SCML4: variants seen among roughly 807,000 people sequenced by gnomAD.
SCML4 encodes Scm polycomb group protein like 4.
Under a neutral mutation model 41.1 loss-of-function variants are expected in SCML4, and 34 were observed. The ratio of observed to expected loss-of-function variants is 0.83; its 90% CI spans 0.63 to 1.10. The LOEUF (loss-of-function observed/expected upper bound fraction) is 1.10. Ranked by LOEUF, SCML4 falls within the 50% of genes least tolerant of loss-of-function variation. SCML4 has a pLI of 0.00. For synonymous variants in SCML4, 214 were observed against 220.9 expected (o/e 0.97, Z 0.28); for missense variants, 522 against 534.1 (o/e 0.98, Z 0.22).
chr6:107,722,594 C>T (rs1250572764), intron 5 of SCML4, among the ~76,000 whole-genome samples: 1 of 152,160 alleles, frequency 6.6e-6, no homozygotes, highest in African/African-American at 2.4e-5. Context: ...AATGGATCCT[C>T]CATGATTGGC....
intron 6 of SCML4, among the ~76,000 whole-genome samples, chr6:107,713,562 T>A (rs1728129): frequency 0.75 from 114,306 of 152,192 alleles, 43,126 homozygotes; most frequent in Admixed American, 0.81. Flanking sequence ...CTCATTGTCT[T>A]CATCTATAAA....
chr6:107,752,752 A>C (rs972067847), intron 2 of SCML4, among the ~76,000 whole-genome samples: 1 of 152,236 alleles, frequency 6.6e-6, no homozygotes, highest in Admixed American at 6.5e-5. Context: ...TGGGATAAGA[A>C]TAAATCTTTG....
At chr6:107,784,623 CT>C (rs1000751125) in intron 1 of SCML4, among the ~76,000 whole-genome samples, 1 of 152,100 alleles carries the variant, frequency 6.6e-6, no homozygotes, top group Non-Finnish European at 1.5e-5. Context: ...TCTGCATACT[CT>C]TTTTTACCAT....
At chr6:107,784,747 C>G (rs986838026) in intron 1 of SCML4, among the ~76,000 whole-genome samples, 1 of 152,182 alleles carries the variant, frequency 6.6e-6, no homozygotes. Flanking sequence ...TGCCCTAGTG[C>G]GTGGGAGGTG....
At chr6:107,843,380 C>T in the SCML4 span, among the ~76,000 whole-genome samples, 1 of 152,208 alleles carries the variant, frequency 6.6e-6, no homozygotes, top group Non-Finnish European at 1.5e-5. Flanking sequence ...TTCCACTGCC[C>T]CTTTAAAGGT....
upstream of SCML4, among the ~76,000 whole-genome samples, chr6:107,827,671 AT>A (rs1215757199): frequency 2.0e-5 from 3 of 152,034 alleles, no homozygotes; most frequent in Non-Finnish European, 4.4e-5. Flanking sequence ...CACGTTGTTA[AT>A]TTTCTTTGCA....
At chr6:107,841,901 A>G in the SCML4 span, among the ~76,000 whole-genome samples, 4 of 152,100 alleles carry the variant, frequency 2.6e-5, no homozygotes, top group African/African-American at 9.7e-5. Context: ...AAGTGGTAGG[A>G]AGGTTTTTCT....
rs532630669 is a variant in SCML4 at position 107,765,244 on chromosome 6, G to T, written c.156+6928C>A. Among the ~76,000 whole-genome samples the T allele has an allele frequency of 3.1e-4, 47 of 152,260 alleles. No individual in the cohort carries two copies. In the South Asian group the frequency reaches 9.3e-3, roughly 30 times the overall value. ...AAGTTCTGTGCATCAGTGGCAATGGGATCAAAACTGTCAGCCCAGCTGATG... is the reference window on the plus strand; with the variant it reads ...AAGTTCTGTGCATCAGTGGCAATGGTATCAAAACTGTCAGCCCAGCTGATG... On this transcript the variant is annotated intron_variant, in intron 2 of 7. Transcript: ENST00000369020.
chr6:107,809,086 T>C (rs770468017), intron 1 of SCML4, among the ~76,000 whole-genome samples: 3 of 151,278 alleles, frequency 2.0e-5, no homozygotes, highest in Non-Finnish European at 3.0e-5. Context: ...CTTAGTGTCC[T>C]TATCAAAGGG....
intron 2 of SCML4, among the ~76,000 whole-genome samples, chr6:107,759,296 C>T (rs931874567): frequency 4.6e-5 from 7 of 151,778 alleles, no homozygotes; most frequent in African/African-American, 1.7e-4. Flanking sequence ...CGCCACTGCA[C>T]TCCAATCTGG....
the SCML4 span, among the ~76,000 whole-genome samples, chr6:107,835,379 A>G: frequency 2.6e-5 from 4 of 152,144 alleles, no homozygotes; most frequent in African/African-American, 9.7e-5. Context: ...ATAAATAAAT[A>G]ATTTAAAAAT....
At chr6:107,746,501 G>A (rs925670467) in intron 4 of SCML4, 188 bp downstream of exon 4, 6 of 505,138 alleles carry the variant, frequency 1.2e-5, no homozygotes, top group African/African-American at 5.9e-5. Flanking sequence ...CTTCTTACCC[G>A]GGCATGGAAT....
At chr6:107,831,065 A>G in the SCML4 span, among the ~76,000 whole-genome samples, 1 of 152,196 alleles carries the variant, frequency 6.6e-6, no homozygotes, top group Admixed American at 6.5e-5. Context: ...GACTTCAAAT[A>G]AAGTAATGAA....
rs954303946 is a variant in SCML4 at position 107,705,216 on chromosome 6, T to C, written c.1229A>G (p.Lys410Arg). ...TTAAAAAAGTCAGAACTTGGCTTGC[T>C]TCAGTTTGTCAATGTGGTAGCAGAG... ...LKLCYHIDKL[K>R]QAKF Residue 410 changes from lysine to arginine, a missense_variant, in exon 8 of 8, where the codon AAG becomes AGG. Coordinates refer to ENST00000369020, the MANE Select transcript of SCML4 (RefSeq NM_198081.5). 6 of 1,551,624 alleles carry C rather than the reference T, an allele frequency of 3.9e-6. No homozygotes were observed. Among genetic ancestry groups the C allele is most frequent in the Non-Finnish European group, 5.2e-6 (6 of 1,146,962 alleles).
intron 5 of SCML4, among the ~76,000 whole-genome samples, chr6:107,727,449 G>A (rs1259020780): frequency 6.6e-6 from 1 of 152,206 alleles, no homozygotes; most frequent in African/African-American, 2.4e-5. Context: ...GTTTGCAGAA[G>A]TTCAGTGCTT....
chr6:107,841,466 C>T, the SCML4 span, among the ~76,000 whole-genome samples: 6 of 152,194 alleles, frequency 3.9e-5, no homozygotes, highest in Non-Finnish European at 7.3e-5. Flanking sequence ...TTCCGTCATG[C>T]ACTGCCTGCT....
chr6:107,770,667 A>T (rs1780443054), intron 2 of SCML4, among the ~76,000 whole-genome samples: 1 of 152,200 alleles, frequency 6.6e-6, no homozygotes, highest in Admixed American at 6.5e-5. Flanking sequence ...GAGTGTCATG[A>T]GTGCTGAAAA....
At chr6:107,802,728 C>T (rs1301900983) in intron 1 of SCML4, among the ~76,000 whole-genome samples, 2 of 141,922 alleles carry the variant, frequency 1.4e-5, no homozygotes, top group African/African-American at 2.9e-5. Context: ...CTCCCTCTCC[C>T]CCTCCCTCTC....
At chr6:107,723,376 T>C (rs1176644923) in intron 5 of SCML4, among the ~76,000 whole-genome samples, 1 of 152,188 alleles carries the variant, frequency 6.6e-6, no homozygotes, top group East Asian at 1.9e-4. Flanking sequence ...GTATTGAATA[T>C]CTCATGTAAT....
Sources: allele counts gnomAD v4.1 joint callset (sites outside exome capture counted in the v4.1 genomes callset), GRCh38; gene constraint gnomAD v4.1.1; transcripts MANE v1.5; gene names NCBI Gene and HGNC (gene_info 2026-07-23, HGNC 2026-07-21).